The following FAM83B variants were observed in gnomAD, a reference collection of about 807,000 sequenced individuals.
FAM83B encodes the protein scaffolding CK1 anchoring protein B.
FAM83B carries 26 observed loss-of-function variants against 38.8 expected under a neutral mutation model. That is an observed-to-expected ratio of 0.67 (90% confidence interval 0.49 to 0.93). The LOEUF (loss-of-function observed/expected upper bound fraction) is 0.93. FAM83B is among the 40% of genes least tolerant of loss of function. The pLI, the probability that FAM83B is intolerant of heterozygous loss-of-function variation, is 0.00. For synonymous variants in FAM83B, 419 were observed against 423.1 expected (o/e 0.99, Z 0.12); for missense variants, 1,237 against 1,197.3 (o/e 1.03, Z -0.49).
At chr6:54,899,076 C>T (rs577633577) in intron 2 of FAM83B, among the ~76,000 whole-genome samples, 11 of 152,216 alleles carry the variant, frequency 7.2e-5, no homozygotes, top group East Asian at 1.9e-4. Flanking sequence ...AGATAGGAAC[C>T]GTACTTTCCC....
chr6:54,852,682 C>A (rs1309101070), intron 1 of FAM83B, among the ~76,000 whole-genome samples: 1 of 152,204 alleles, frequency 6.6e-6, no homozygotes, highest in Non-Finnish European at 1.5e-5. Flanking sequence ...AAAGCTAAAT[C>A]TCTTGTACTA....
At chr6:54,859,535 G>C (rs1448161508) in intron 1 of FAM83B, among the ~76,000 whole-genome samples, 2 of 152,142 alleles carry the variant, frequency 1.3e-5, no homozygotes, top group Non-Finnish European at 2.9e-5. Context: ...TGCCATCATA[G>C]AGCTCACAGT....
In FAM83B at chr6:54,943,639, A is replaced by G. The variant is rs535611067; in HGVS notation, c.*1632A>G. 4.6e-5 allele frequency: 7 copies of G among 152,180 alleles called. No individual in the cohort carries two copies. Among genetic ancestry groups the G allele is most frequent in the African/African-American group, 1.7e-4 (7 of 41,456 alleles). 9.4% of individuals were successfully genotyped at this position (152,180 alleles called of 1,614,324 possible). On this transcript the variant is annotated 3_prime_UTR_variant, in exon 5 of 5. Coordinates refer to ENST00000306858, the MANE Select transcript of FAM83B (RefSeq NM_001010872.3). ...GAAACCATGAAAAAGAAAACATAGC[A>G]GGAGAAAATATGACAGGAAAAGAAA...
chr6:54,941,787 C>T lies in FAM83B; in HGVS notation c.2816C>T (p.Pro939Leu), dbSNP rs1031503588. ...CGGCGTGTTTACAGTCGTTTTGAGC[C>T]GTTTTGTAAGATTGAGAGCTCTATT... Reference protein sequence around the residue: ...TDRRVYSRFEPFCKIESSIQP... With the variant: ...TDRRVYSRFELFCKIESSIQP... Residue 939 changes from proline to leucine, a missense_variant, in exon 5 of 5, where the codon CCG becomes CTG. By Grantham distance (98) the Pro-to-Leu change is moderately conservative. Transcript: ENST00000306858. 6.3e-5 allele frequency: 101 copies of T among 1,613,918 alleles called. No homozygotes were observed. The highest frequency in any genetic ancestry group is 8.4e-5 in the Non-Finnish European group (99 of 1,180,006).
At position 54,940,402 on chromosome 6, in the gene FAM83B, G is replaced by C; in HGVS notation, c.1431G>C (p.Leu477Phe). 1.2e-6 allele frequency: 2 copies of C among 1,613,932 alleles called. No homozygotes were observed. The highest frequency in any genetic ancestry group is 1.7e-5 in the Admixed American group (1 of 59,958). Residue 477 changes from leucine to phenylalanine, a missense_variant, in exon 5 of 5, where the codon TTG becomes TTC. Coordinates refer to ENST00000306858, the MANE Select transcript of FAM83B (RefSeq NM_001010872.3). ...GGACAGATAACCATATCCGCTTTTT[G>C]CAACAACGAATGCCAACCCTTGAAC... is the stretch of plus-strand genomic sequence containing the variant. ...FNGTDNHIRF[L>F]QQRMPTLEHT...
chr6:54,940,875 A>G lies in FAM83B; in HGVS notation c.1904A>G (p.Asn635Ser), dbSNP rs1297418875. The G allele has an allele frequency of 3.7e-6, 6 of 1,613,826 alleles. No homozygotes were observed. Among genetic ancestry groups the G allele is most frequent in the Non-Finnish European group, 5.1e-6 (6 of 1,179,906 alleles). The change falls in exon 5 of 5, where the codon AAT becomes AGT. Residue 635 changes from asparagine (N) to serine (S), a missense_variant. Transcript: ENST00000306858. The part of the protein sequence containing the change: ...NQTTNGHTES[N>S]NYIYKTLGVN... ...ACTACAAATGGCCATACTGAATCAA[A>G]TAACTATATATATAAAACCTTGGGT...
rs945035944 is a variant in FAM83B, at chr6:54,894,328, G to T, written c.444+23638G>T. Among the ~76,000 whole-genome samples, 4 of 151,158 alleles carry T rather than the reference G, an allele frequency of 2.6e-5. No homozygotes were observed. In the East Asian group the frequency reaches 7.8e-4, roughly 29 times the overall value. The stretch of plus-strand genomic sequence containing the variant: ...TCCTAGGAACTTTTTTTTTTTCCCT[G>T]ACAGAATTTGGTAAGATGGTACATT... On this transcript the variant is annotated intron_variant, in intron 2 of 4. Transcript: ENST00000306858.
intron 4 of FAM83B, among the ~76,000 whole-genome samples, chr6:54,934,117 G>A (rs946863808): frequency 5.9e-5 from 9 of 152,086 alleles, no homozygotes; most frequent in Admixed American, 2.0e-4. Flanking sequence ...TATGGGGTAC[G>A]TAGGGCTTGT....
chr6:54,916,509 A>T, intron 2 of FAM83B, among the ~76,000 whole-genome samples: 1 of 152,180 alleles, frequency 6.6e-6, no homozygotes, highest in Non-Finnish European at 1.5e-5. Context: ...ATTTCATTTT[A>T]TAGTGCCAAT....
intron 2 of FAM83B, among the ~76,000 whole-genome samples, chr6:54,899,719 C>G (rs562603279): frequency 6.6e-6 from 1 of 152,160 alleles, no homozygotes; most frequent in Non-Finnish European, 1.5e-5. Flanking sequence ...AGGCCTCCCA[C>G]AGGCTCCACC....
At position 54,930,687 on chromosome 6, in the gene FAM83B, G is replaced by A. The variant is rs147652421; in HGVS notation, c.734+3055G>A. On this transcript the variant is annotated intron_variant, in intron 4 of 4. Transcript: ENST00000306858. ...TTATTATTAGTCACATTCTTTTCAC[G>A]CAGCCATGTTTTCTTTCTTGAACCT... 1.6e-3 allele frequency among the ~76,000 whole-genome samples: 243 copies of A among 151,974 alleles called. 2 individuals carry two copies. The highest frequency in any genetic ancestry group is 5.3e-3 in the African/African-American group (218 of 41,482).
At position 54,924,362 on chromosome 6, in the gene FAM83B, C is replaced by T. The variant is rs191765243; in HGVS notation, c.445-2009C>T. ...CAACTTCTTTTGATTCAGCTCTACC[C>T]CCAACTACTGTTCAATTTCTCTGCT... On this transcript the variant is annotated intron_variant, in intron 2 of 4. Transcript: ENST00000306858. Among the ~76,000 whole-genome samples the T allele has an allele frequency of 9.9e-5, 15 of 151,596 alleles. No homozygotes were observed. In the East Asian group the frequency reaches 1.7e-3, roughly 18 times the overall value.
At chr6:54,850,035 T>A (rs1170738613) in intron 1 of FAM83B, among the ~76,000 whole-genome samples, 1 of 152,190 alleles carries the variant, frequency 6.6e-6, no homozygotes, top group Admixed American at 6.5e-5. Flanking sequence ...AGCAATATGT[T>A]CCTCTCCAGG....
intron 2 of FAM83B, among the ~76,000 whole-genome samples, chr6:54,921,370 C>T (rs1773163530): frequency 6.6e-6 from 1 of 151,604 alleles, no homozygotes; most frequent in African/African-American, 2.4e-5. Flanking sequence ...CCTCCGGGGT[C>T]TGGGTCACTT....
chr6:54,854,487 TC>T (rs1336062417), intron 1 of FAM83B, among the ~76,000 whole-genome samples: 1 of 152,158 alleles, frequency 6.6e-6, no homozygotes, highest in African/African-American at 2.4e-5. Context: ...GCCATCAACA[TC>T]AAGACAAGCC....
intron 4 of FAM83B, among the ~76,000 whole-genome samples, chr6:54,933,411 T>C (rs1773464614): frequency 6.6e-6 from 1 of 152,090 alleles, no homozygotes; most frequent in South Asian, 2.1e-4. Context: ...GTTAGTTTTG[T>C]TTGTTTTTAG....
Position 54,944,681 on chromosome 6 carries a change from A to G in FAM83B, c.*2674A>G, listed in dbSNP as rs1773765934. ...CTCAAGATCCACATATTCAAGTATC[A>G]TTCCACAGATATTCACAGAACACAG... On this transcript the variant is annotated 3_prime_UTR_variant, in exon 5 of 5. Coordinates refer to ENST00000306858, the MANE Select transcript of FAM83B (RefSeq NM_001010872.3). The G allele has an allele frequency of 6.6e-6, 1 of 152,196 alleles. No individual in the cohort carries two copies. Among genetic ancestry groups the G allele is most frequent in the South Asian group, 2.1e-4 (1 of 4,834 alleles). 9.4% of individuals were successfully genotyped at this position (152,196 alleles called of 1,614,324 possible).
intron 2 of FAM83B, among the ~76,000 whole-genome samples, chr6:54,883,983 A>T (rs1772203279): frequency 6.6e-6 from 1 of 152,044 alleles, no homozygotes. Flanking sequence ...CAGCCTGGCC[A>T]ATATAGGGAA....
intron 4 of FAM83B, among the ~76,000 whole-genome samples, chr6:54,938,290 T>G (rs1020510815): frequency 3.9e-5 from 6 of 152,200 alleles, no homozygotes; most frequent in Non-Finnish European, 8.8e-5. Flanking sequence ...TTAGGCTGGT[T>G]TCATATTTTT....
Sources: allele counts gnomAD v4.1 joint callset (sites outside exome capture counted in the v4.1 genomes callset), GRCh38; gene constraint gnomAD v4.1.1; transcripts MANE v1.5; gene names NCBI Gene and HGNC (gene_info 2026-07-23, HGNC 2026-07-21).